The following DNM3 variants were observed in gnomAD, a reference collection of about 807,000 sequenced individuals.
DNM3 encodes the protein dynamin-3.
A neutral mutation model predicts 101.6 loss-of-function variants in DNM3; 47 were observed. That is an observed-to-expected ratio of 0.46 (90% CI 0.37 to 0.59). The LOEUF is 0.59. Among genes scored for constraint, DNM3 ranks in the 20% least tolerant of loss-of-function variants. The pLI is 0.00. For synonymous variants in DNM3, 385 were observed against 387.9 expected, an observed-to-expected ratio of 0.99 and a Z score of 0.09; for missense variants, 849 against 1,085.7, an observed-to-expected ratio of 0.78 and a Z score of 3.06.
At chr1:172,042,569 T>C (rs923532383) in intron 8 of DNM3, among the ~76,000 whole-genome samples, 25 of 152,280 alleles carry the variant, frequency 1.6e-4, no homozygotes, top group African/African-American at 5.8e-4. Context: ...GGTGAGCCAC[T>C]TTTAATGGAA....
intron 17 of DNM3, among the ~76,000 whole-genome samples, chr1:172,356,850 T>G (rs761372631): frequency 6.6e-6 from 1 of 151,950 alleles, no homozygotes; most frequent in South Asian, 2.1e-4. Context: ...ATTCCAGGAC[T>G]GGGGCAGAGA....
chr1:172,291,418 G>A (rs1449157699), intron 15 of DNM3, among the ~76,000 whole-genome samples: 5 of 152,188 alleles, frequency 3.3e-5, no homozygotes, highest in Admixed American at 3.3e-4. Context: ...CCTTAGGAGA[G>A]ACAGGACCCC....
chr1:172,225,294 G>A (rs552535906), intron 14 of DNM3, among the ~76,000 whole-genome samples: 41 of 151,472 alleles, frequency 2.7e-4, no homozygotes, highest in African/African-American at 6.1e-4. Context: ...GCACCACCAC[G>A]CCCAGCTAAT....
chr1:172,194,375 G>C (rs183735541), intron 14 of DNM3, among the ~76,000 whole-genome samples: 46 of 152,248 alleles, frequency 3.0e-4, no homozygotes, highest in African/African-American at 1.0e-3. Context: ...TGTCTATTAG[G>C]TCTGCTTGGT....
intron 4 of DNM3, among the ~76,000 whole-genome samples, chr1:172,016,170 G>C (rs190493704): frequency 1.3e-5 from 2 of 148,406 alleles, no homozygotes; most frequent in African/African-American, 2.5e-5. Flanking sequence ...CTGGGCAAGA[G>C]AGTGAGACTC....
chr1:172,203,212 T>G (rs778383427), intron 14 of DNM3, among the ~76,000 whole-genome samples: 14 of 152,180 alleles, frequency 9.2e-5, no homozygotes, highest in Non-Finnish European at 7.3e-5. Flanking sequence ...ATTGTTTAAT[T>G]GAGGTACCTC....
intron 17 of DNM3, among the ~76,000 whole-genome samples, chr1:172,344,059 C>T (rs1283285357): frequency 1.3e-5 from 2 of 152,134 alleles, no homozygotes; most frequent in Non-Finnish European, 1.5e-5. Context: ...TGTAAATGAT[C>T]ACGTCTACAG....
chr1:172,197,517 A>G (rs1221562710), intron 14 of DNM3, among the ~76,000 whole-genome samples: 1 of 151,712 alleles, frequency 6.6e-6, no homozygotes, highest in African/African-American at 2.4e-5. Context: ...CATTTTAATG[A>G]TATCAATTCT....
chr1:172,285,100 C>A (rs2063646392), intron 15 of DNM3, among the ~76,000 whole-genome samples: 1 of 152,198 alleles, frequency 6.6e-6, no homozygotes, highest in East Asian at 1.9e-4. Flanking sequence ...TCAGGACCAT[C>A]ACCAGCACTG....
intron 12 of DNM3, among the ~76,000 whole-genome samples, chr1:172,091,153 A>G (rs1216065290): frequency 2.0e-5 from 3 of 152,204 alleles, no homozygotes; most frequent in Admixed American, 2.0e-4. Context: ...GAGGGTTATA[A>G]TGGCATCAAC....
chr1:172,001,558 G>A (rs2046360268), intron 4 of DNM3, among the ~76,000 whole-genome samples: 1 of 151,930 alleles, frequency 6.6e-6, no homozygotes. Flanking sequence ...CAAAGGCCTC[G>A]CTAGGGAGGC....
At position 172,280,078 on chromosome 1, in the gene DNM3, C is replaced by T. The variant is rs184578338; in HGVS notation, c.1769+26396C>T. 7.3e-3 allele frequency among the ~76,000 whole-genome samples: 1,112 copies of T among 152,194 alleles called. 10 individuals carry two copies. Among genetic ancestry groups the T allele is most frequent in the Non-Finnish European group, 8.9e-3 (605 of 68,004 alleles). ...TTCACCCTGCTCCAGTGATACTGGC[C>T]TCCTTACTGCTTCTTGAATATGTTG... On this transcript the variant is annotated intron_variant, in intron 15 of 20. Transcript: ENST00000627582.
chr1:171,945,519 T>A (rs986412656), intron 2 of DNM3, among the ~76,000 whole-genome samples: 6 of 152,220 alleles, frequency 3.9e-5, no homozygotes, highest in Non-Finnish European at 4.4e-5. Flanking sequence ...TATGAGATGT[T>A]ATTTCAAAAA....
chr1:171,923,115 A>G (rs2040308063), intron 2 of DNM3, among the ~76,000 whole-genome samples: 1 of 152,196 alleles, frequency 6.6e-6, no homozygotes, highest in African/African-American at 2.4e-5. Context: ...TTGTTTAAGG[A>G]ACTGACAGAC....
chr1:172,168,145 C>T (rs2058819465), intron 14 of DNM3, among the ~76,000 whole-genome samples: 1 of 151,974 alleles, frequency 6.6e-6, no homozygotes, highest in Non-Finnish European at 1.5e-5. Context: ...GCTTTAACTA[C>T]CTATATCATA....
chr1:172,194,026 CT>C (rs2059846793), intron 14 of DNM3, among the ~76,000 whole-genome samples: 1 of 152,158 alleles, frequency 6.6e-6, no homozygotes, highest in South Asian at 2.1e-4. Flanking sequence ...CTACACACTG[CT>C]TTAAATGTGT....
Position 172,046,190 on chromosome 1 carries a change from T to C in DNM3, c.1196+1738T>C, listed in dbSNP as rs1190130883. 2.6e-5 allele frequency among the ~76,000 whole-genome samples: 4 copies of C among 151,966 alleles called. 1 individual carries two copies. Among genetic ancestry groups the C allele is most frequent in the Admixed American group, 2.6e-4 (4 of 15,246 alleles). ...ACAATGATAGACTGGATTAAGAAAA[T>C]GTGGCACATATACACCATGGAATAC... On this transcript the variant is annotated intron_variant, in intron 9 of 20. Coordinates refer to ENST00000627582, the MANE Select transcript of DNM3 (RefSeq NM_015569.5).
chr1:172,120,384 TGTG>T (rs1423813337), intron 13 of DNM3, among the ~76,000 whole-genome samples: 1 of 152,128 alleles, frequency 6.6e-6, no homozygotes, highest in Admixed American at 6.6e-5. Context: ...TCCCATGACA[TGTG>T]GGAATTATGG....
At chr1:172,080,140 G>A (rs2053019137) in intron 11 of DNM3, among the ~76,000 whole-genome samples, 1 of 152,170 alleles carries the variant, frequency 6.6e-6, no homozygotes. Flanking sequence ...CTTTAGCAGA[G>A]CTCGAGCACT....
Sources: gnomAD v4.1 joint callset for allele counts (sites outside exome capture counted in the v4.1 genomes callset) on GRCh38, gnomAD v4.1.1 for gene constraint, MANE v1.5 for transcripts, NCBI Gene and HGNC (gene_info 2026-07-23, HGNC 2026-07-21) for gene names.